MYO3A: variants seen among roughly 807,000 people sequenced by gnomAD.
MYO3A encodes the protein myosin IIIA.
Under a neutral mutation model 192.7 loss-of-function variants are expected in MYO3A, and 180 were observed. That is an observed-to-expected ratio of 0.93 (90% CI 0.83 to 1.06). The LOEUF (loss-of-function observed/expected upper bound fraction) is 1.06. Among genes scored for constraint, MYO3A ranks in the 50% least tolerant of loss-of-function variants. MYO3A has a pLI of 0.00. For missense variants in MYO3A, 1,896 were observed against 1,905.0 expected (o/e 1.00, Z 0.09); for synonymous variants, 628 against 645.3 (o/e 0.97, Z 0.41).
At chr10:26,100,674 A>C (rs1476466075) in intron 17 of MYO3A, among the ~76,000 whole-genome samples, 1 of 152,184 alleles carries the variant, frequency 6.6e-6, no homozygotes, top group African/African-American at 2.4e-5. Context: ...ATTCAGGAGC[A>C]GGTTGTTCAG....
At chr10:26,018,926 T>C (rs1842126387) in intron 7 of MYO3A, among the ~76,000 whole-genome samples, 1 of 152,178 alleles carries the variant, frequency 6.6e-6, no homozygotes, top group Non-Finnish European at 1.5e-5. Context: ...CAAACAAAGT[T>C]ATATTAGACA....
Position 26,173,718 on chromosome 10 carries a change from A to G in MYO3A, c.3454A>G (p.Ile1152Val), listed in dbSNP as rs1220890042. The G allele has an allele frequency of 1.2e-6, 2 of 1,613,982 alleles. No individual in the cohort carries two copies. Among genetic ancestry groups the G allele is most frequent in the Non-Finnish European group, 1.7e-6 (2 of 1,179,956 alleles). The change falls in exon 30 of 35, where the codon ATT becomes GTT. Residue 1152 changes from isoleucine to valine, a missense_variant. Physicochemically the swap from Ile to Val is conservative, Grantham distance 29 (BLOSUM62 3). Transcript: ENST00000642920. Reference protein sequence around the residue: ...ENAISANERFISAPNNKGSVS... With the variant: ...ENAISANERFVSAPNNKGSVS... ...TGCAATCTCTGCTAATGAAAGATTC[A>G]TTTCAGCTCCAAATAATAAAGGAAG... is the stretch of plus-strand genomic sequence containing the variant.
chr10:26,154,983 G>T (rs986295540), intron 25 of MYO3A, among the ~76,000 whole-genome samples, 160 bp downstream of exon 25: 5 of 152,202 alleles, frequency 3.3e-5, no homozygotes, highest in Non-Finnish European at 5.9e-5. Context: ...AAAATCTGCA[G>T]ATTGGTTTAT....
intron 29 of MYO3A, among the ~76,000 whole-genome samples, chr10:26,172,956 G>A (rs1035717195): frequency 2.0e-5 from 3 of 152,028 alleles, no homozygotes; most frequent in African/African-American, 7.2e-5. Flanking sequence ...GTAGCAACGA[G>A]AGGTGTTAGC....
At chr10:26,111,821 A>G (rs1024694728) in intron 17 of MYO3A, among the ~76,000 whole-genome samples, 2 of 152,206 alleles carry the variant, frequency 1.3e-5, no homozygotes, top group African/African-American at 4.8e-5. Context: ...ATAGAAGCTC[A>G]GGGCATCCTT....
intron 8 of MYO3A, among the ~76,000 whole-genome samples, chr10:26,023,784 A>C (rs1842422533): frequency 6.6e-6 from 1 of 152,226 alleles, no homozygotes; most frequent in Non-Finnish European, 1.5e-5. Flanking sequence ...TTAAAAGAAA[A>C]AATAATAACA....
chr10:26,045,461 C>T (rs1843591080), intron 10 of MYO3A, among the ~76,000 whole-genome samples: 1 of 152,102 alleles, frequency 6.6e-6, no homozygotes, highest in Admixed American at 6.6e-5. Flanking sequence ...TAACACAGTT[C>T]CTGGTCCATA....
intron 4 of MYO3A, among the ~76,000 whole-genome samples, chr10:25,963,499 A>T (rs1261900517): frequency 6.6e-6 from 1 of 152,204 alleles, no homozygotes; most frequent in Admixed American, 6.5e-5. Flanking sequence ...TAACATGTAC[A>T]CAGAAGGGAA....
intron 34 of MYO3A, among the ~76,000 whole-genome samples, chr10:26,207,165 G>A (rs1452357411): frequency 6.6e-6 from 1 of 150,802 alleles, no homozygotes; most frequent in Non-Finnish European, 1.5e-5. Context: ...CCATTTAAAT[G>A]ATTGTTTCTT....
At chr10:26,175,521 TC>T (rs1430780262) in intron 30 of MYO3A, among the ~76,000 whole-genome samples, 2 of 152,068 alleles carry the variant, frequency 1.3e-5, no homozygotes, top group Non-Finnish European at 2.9e-5. Context: ...GTCCCTAAAC[TC>T]CCCTTTTTGT....
intron 4 of MYO3A, among the ~76,000 whole-genome samples, chr10:25,958,871 A>G (rs1157175507): frequency 2.0e-5 from 3 of 150,620 alleles, no homozygotes; most frequent in Non-Finnish European, 3.0e-5. Flanking sequence ...GATTGTTTTT[A>G]TCTGGCTTTC....
intron 30 of MYO3A, among the ~76,000 whole-genome samples, chr10:26,174,801 G>T (rs567457342): frequency 1.5e-4 from 23 of 152,088 alleles, no homozygotes; most frequent in Non-Finnish European, 2.4e-4. Flanking sequence ...ACTAGAGATT[G>T]GTTTATACAG....
intron 6 of MYO3A, among the ~76,000 whole-genome samples, chr10:26,009,397 ATT>A (rs35821650): frequency 0.025 from 3,848 of 151,912 alleles, 184 homozygotes; most frequent in African/African-American, 0.087. Context: ...AATAAAATAA[ATT>A]TTTTAAAAAA....
intron 6 of MYO3A, among the ~76,000 whole-genome samples, chr10:26,012,837 A>G (rs1841755158): frequency 6.6e-6 from 1 of 152,136 alleles, no homozygotes; most frequent in Non-Finnish European, 1.5e-5. Context: ...AAAACAAAAA[A>G]CAAATCAGGA....
chr10:26,180,681 C>A (rs1842581606), intron 31 of MYO3A, among the ~76,000 whole-genome samples: 1 of 149,074 alleles, frequency 6.7e-6, no homozygotes. Context: ...ATAAAAATTT[C>A]TAATAGAAAA....
intron 6 of MYO3A, among the ~76,000 whole-genome samples, chr10:26,001,244 C>T (rs1277043757): frequency 2.6e-5 from 4 of 152,030 alleles, no homozygotes; most frequent in Non-Finnish European, 5.9e-5. Context: ...CATTGCTAAC[C>T]TGGAGGGGCA....
chr10:26,174,600 G>A (rs760476238), intron 30 of MYO3A, 43 bp downstream of exon 30: 6 of 1,507,242 alleles, frequency 4.0e-6, no homozygotes, highest in Non-Finnish European at 5.5e-6. Flanking sequence ...AAGTCCCTGG[G>A]AACTATACAA....
chr10:26,070,848 T>TTATAA (rs113465592), intron 14 of MYO3A, among the ~76,000 whole-genome samples: 71,762 of 151,450 alleles, frequency 0.47, 17,759 homozygotes, highest in Middle Eastern at 0.58. Flanking sequence ...GATCTAAATA[T>TTATAA]TATATGTGCA....
intron 14 of MYO3A, among the ~76,000 whole-genome samples, chr10:26,079,786 T>C (rs780471273): frequency 5.3e-5 from 8 of 152,188 alleles, no homozygotes; most frequent in Non-Finnish European, 1.0e-4. Flanking sequence ...GATGCTTAGT[T>C]TCGCTGGATA....
Sources: gnomAD v4.1 joint callset for allele counts (sites outside exome capture counted in the v4.1 genomes callset) on GRCh38, gnomAD v4.1.1 for gene constraint, MANE v1.5 for transcripts, NCBI Gene and HGNC (gene_info 2026-07-23, HGNC 2026-07-21) for gene names.